Variants in PCDH17 observed in about 807,000 individuals in gnomAD.
PCDH17 encodes the protein protocadherin-17.
In PCDH17, 21 loss-of-function variants were observed where a neutral mutation model predicts 67.7. The observed-to-expected ratio is 0.31, with a 90% CI of 0.22 to 0.45. The LOEUF (loss-of-function observed/expected upper bound fraction) is 0.45. PCDH17 is among the 20% of genes least tolerant of loss of function. PCDH17 has a pLI of 1.00. For synonymous variants in PCDH17, 701 were observed against 656.7 expected, an observed-to-expected ratio of 1.07 and a Z score of -1.03; for missense variants, 1,471 against 1,564.8, an observed-to-expected ratio of 0.94 and a Z score of 1.01.
intron 3 of PCDH17, among the ~76,000 whole-genome samples, chr13:57,694,399 G>A (rs1035466543): frequency 6.6e-6 from 1 of 151,138 alleles, no homozygotes; most frequent in East Asian, 1.9e-4. Context: ...AAAAGATTTT[G>A]ATGAGAATGA....
intron 1 of PCDH17, among the ~76,000 whole-genome samples, chr13:57,659,131 G>GTATA (rs147702345): frequency 1.2e-4 from 18 of 150,696 alleles, no homozygotes; most frequent in African/African-American, 2.7e-4. Flanking sequence ...GTGTGTGTGT[G>GTATA]TATACACACA....
intron 3 of PCDH17, among the ~76,000 whole-genome samples, chr13:57,699,743 C>A (rs73519496): frequency 6.6e-6 from 1 of 152,024 alleles, no homozygotes; most frequent in African/African-American, 2.4e-5. Flanking sequence ...TGATAAAGAT[C>A]TTCTACCGCA....
Position 57,634,138 on chromosome 13 carries a change from A to C in PCDH17, c.1592A>C (p.Asn531Thr), listed in dbSNP as rs751632328. 6.2e-7 allele frequency: 1 copy of C among 1,613,564 alleles called. No individual in the cohort carries two copies. Among genetic ancestry groups the C allele is most frequent in the Admixed American group, 1.7e-5 (1 of 60,016 alleles). ...ACCTATGTGTCTGTGAATCCCACGAACGGGGCCATCTACGCCCTGCGCTCC... is the reference window on the plus strand; with the variant it reads ...ACCTATGTGTCTGTGAATCCCACGACCGGGGCCATCTACGCCCTGCGCTCC... ...IYTYVSVNPT[N>T]GAIYALRSFN... Residue 531 changes from asparagine (N) to threonine (T), a missense_variant, in exon 1 of 4, where the codon AAC (asparagine) becomes ACC (threonine). Around this residue, in one of 3 missense-constraint regions of PCDH17, gnomAD observed 1,163 missense variants for 1,230.0 expected, o/e 0.95. Transcript: ENST00000377918. The surrounding 1 kb of genome is among the most constrained non-coding windows in gnomAD (Gnocchi z 7.8).
chr13:57,718,498 TTATGAA>T (rs1955842896), intron 3 of PCDH17, among the ~76,000 whole-genome samples: 1 of 152,058 alleles, frequency 6.6e-6, no homozygotes, highest in Admixed American at 6.6e-5. Flanking sequence ...ATAATAATGT[TTATGAA>T]TATAGATTGT....
At chr13:57,706,202 A>C (rs1955719823) in intron 3 of PCDH17, among the ~76,000 whole-genome samples, 2 of 152,288 alleles carry the variant, frequency 1.3e-5, no homozygotes, top group South Asian at 4.1e-4. Context: ...GATTTGGAAC[A>C]ATTACATATG....
At chr13:57,682,255 C>T (rs1451250496) in intron 3 of PCDH17, among the ~76,000 whole-genome samples, 1 of 151,702 alleles carries the variant, frequency 6.6e-6, no homozygotes, top group African/African-American at 2.4e-5. Context: ...TGTCATTAAG[C>T]CGTGTTGTTA....
intron 1 of PCDH17, among the ~76,000 whole-genome samples, chr13:57,650,239 T>TGTGC (rs1955019046): frequency 6.6e-6 from 1 of 151,258 alleles, no homozygotes; most frequent in African/African-American, 2.4e-5. Flanking sequence ...TGTGTGTGTG[T>TGTGC]GTGTGTGTGT....
chr13:57,635,865 G>C (rs1954816674), intron 1 of PCDH17, among the ~76,000 whole-genome samples: 1 of 152,150 alleles, frequency 6.6e-6, no homozygotes, highest in African/African-American at 2.4e-5. Flanking sequence ...ACCGTGATCT[G>C]TTTCTTGGAG....
At chr13:57,710,035 C>T (rs2138087629) in intron 3 of PCDH17, among the ~76,000 whole-genome samples, 1 of 151,900 alleles carries the variant, frequency 6.6e-6, no homozygotes, top group African/African-American at 2.4e-5. Context: ...TGGGCCAAAT[C>T]TTAATTATTT....
At chr13:57,641,598 A>ATG (rs1488981403) in intron 1 of PCDH17, among the ~76,000 whole-genome samples, 1 of 115,700 alleles carries the variant, frequency 8.6e-6, no homozygotes, top group Non-Finnish European at 1.8e-5. Flanking sequence ...ATATATATAT[A>ATG]TATATATATA....
intron 1 of PCDH17, among the ~76,000 whole-genome samples, chr13:57,662,613 C>CCTAGTTTCCT (rs1418074890): frequency 1.3e-5 from 2 of 152,144 alleles, no homozygotes; most frequent in African/African-American, 4.8e-5. Context: ...TAGCATGACT[C>CCTAGTTTCCT]AGTTTCACTA....
chr13:57,632,739 C>T lies in PCDH17; in HGVS notation c.193C>T (p.Arg65Trp). 1.1e-5 allele frequency: 18 copies of T among 1,612,208 alleles called. No homozygotes were observed. Among genetic ancestry groups the T allele is most frequent in the Non-Finnish European group, 1.5e-5 (18 of 1,179,944 alleles). ...GGGRSKSGSY[R>W]VLENSAPHLL... ...AGGGCGCAGCAAGTCGGGTAGCTACCGGGTGCTGGAGAACTCCGCACCGCA... is the reference window on the plus strand; with the variant it reads ...AGGGCGCAGCAAGTCGGGTAGCTACTGGGTGCTGGAGAACTCCGCACCGCA... Residue 65 changes from arginine to tryptophan, a missense_variant, in exon 1 of 4, where the codon CGG becomes TGG. By Grantham distance (101) the Arg-to-Trp change is moderately radical. This residue lies in a region of PCDH17 where 1,163 missense variants were observed against 1,230.0 expected (regional missense o/e 0.95). Coordinates refer to ENST00000377918, the MANE Select transcript of PCDH17 (RefSeq NM_001040429.3).
chr13:57,652,536 T>C (rs1053910819), intron 1 of PCDH17, among the ~76,000 whole-genome samples: 6 of 152,132 alleles, frequency 3.9e-5, no homozygotes, highest in African/African-American at 1.4e-4. Context: ...GTCTTCTATA[T>C]AAATTGTGAC....
chr13:57,634,921 C>T lies in PCDH17; in HGVS notation c.2375C>T (p.Ala792Val), dbSNP rs765041030. The T allele has an allele frequency of 1.9e-5, 30 of 1,613,866 alleles. 1 individual carries two copies. The South Asian group carries it at 3.0e-4, about 16-fold the overall frequency. ...AACGTGGTGAGCAGCCCCTCCCTGG[C>T]CACCTCCCCCATGTACTTCGACTAC... ...VMNVVSSPSL[A>V]TSPMYFDYQT... The change falls in exon 1 of 4, where the codon GCC becomes GTC. Residue 792 changes from alanine (A) to valine (V), a missense_variant. By Grantham distance (64) the Ala-to-Val change is moderately conservative. Coordinates refer to ENST00000377918, the MANE Select transcript of PCDH17 (RefSeq NM_001040429.3). This position sits in a 1 kb window ranked among gnomAD's most constrained non-coding sequence, Gnocchi z 7.8.
chr13:57,658,398 C>T (rs1339222277), intron 1 of PCDH17, among the ~76,000 whole-genome samples: 1 of 152,198 alleles, frequency 6.6e-6, no homozygotes, highest in East Asian at 1.9e-4. Flanking sequence ...AGGAGACACT[C>T]TCCACGTCCT....
rs189547177 is a variant in PCDH17, at chr13:57,696,483, A to G, written c.2798-28129A>G. On this transcript the variant is annotated intron_variant, in intron 3 of 3. Transcript: ENST00000377918. ...GATGGAAATGTTAATGTTACTTAAA[A>G]TAGATCATTTTAATAAAGGAAAATA... is the stretch of plus-strand genomic sequence containing the variant. Among the ~76,000 whole-genome samples the G allele has an allele frequency of 3.3e-5, 5 of 151,538 alleles. No individual in the cohort carries two copies. In the East Asian group the frequency reaches 9.7e-4, roughly 29 times the overall value.
intron 3 of PCDH17, among the ~76,000 whole-genome samples, chr13:57,709,234 A>G (rs1296909945): frequency 6.6e-6 from 1 of 151,812 alleles, no homozygotes; most frequent in Non-Finnish European, 1.5e-5. Flanking sequence ...TATAACTAAT[A>G]TTAAGATGCA....
At chr13:57,674,872 A>T (rs1363916632) in intron 3 of PCDH17, among the ~76,000 whole-genome samples, 2 of 151,976 alleles carry the variant, frequency 1.3e-5, no homozygotes, top group East Asian at 3.9e-4. Flanking sequence ...ATTACAAAAC[A>T]TTATGGTGAG....
chr13:57,683,031 C>T (rs7997462), intron 3 of PCDH17, among the ~76,000 whole-genome samples: 116,753 of 151,758 alleles, frequency 0.77, 45,684 homozygotes, highest in African/African-American at 0.92. Flanking sequence ...AGGAAATAAC[C>T]ATTCTAAGGT....
Sources: gnomAD v4.1 joint callset for allele counts (sites outside exome capture counted in the v4.1 genomes callset) on GRCh38, gnomAD v4.1.1 for gene constraint, gnomAD v4.1.1 regional missense constraint, Gnocchi (gnomAD v3.1) non-coding constraint, MANE v1.5 for transcripts, NCBI Gene and HGNC (gene_info 2026-07-23, HGNC 2026-07-21) for gene names.